CCBE1: variants seen among roughly 807,000 people sequenced by gnomAD.
CCBE1 encodes collagen and calcium binding EGF domains 1, also known as collagen and calcium-binding EGF domain-containing protein 1.
CCBE1 carries 37 observed loss-of-function variants against 50.0 expected under a neutral mutation model. The observed-to-expected ratio is 0.74, with a 90% confidence interval of 0.57 to 0.97. CCBE1 has a LOEUF of 0.97. Ranked by LOEUF, CCBE1 falls within the 50% of genes least tolerant of loss-of-function variation. The pLI, the probability that CCBE1 is intolerant of heterozygous loss-of-function variation, is 0.00. For synonymous variants in CCBE1, 234 were observed against 203.7 expected (o/e 1.15, Z -1.27); for missense variants, 538 against 523.8 (o/e 1.03, Z -0.26).
intron 2 of CCBE1, among the ~76,000 whole-genome samples, chr18:59,669,657 C>T (rs2054405695): frequency 6.6e-6 from 1 of 152,198 alleles, no homozygotes; most frequent in South Asian, 2.1e-4. Flanking sequence ...CCCGCGGTGC[C>T]CTTGTGCTCT....
chr18:59,542,800 T>A (rs754925884), intron 2 of CCBE1, among the ~76,000 whole-genome samples: 15 of 152,174 alleles, frequency 9.9e-5, no homozygotes, highest in Non-Finnish European at 2.2e-4. Context: ...TCTCCCCTTC[T>A]GGTGCCACTG....
At chr18:59,531,653 C>T (rs1021419171) in intron 2 of CCBE1, among the ~76,000 whole-genome samples, 19 of 152,142 alleles carry the variant, frequency 1.2e-4, no homozygotes, top group Middle Eastern at 3.4e-3. Flanking sequence ...GAGGCTGAGG[C>T]GGATCACTTG....
chr18:59,536,304 G>C (rs1404872500), intron 2 of CCBE1, among the ~76,000 whole-genome samples: 15 of 152,068 alleles, frequency 9.9e-5, no homozygotes, highest in Non-Finnish European at 4.4e-5. Flanking sequence ...GACAGCTCAT[G>C]GCAGGCACTC....
At chr18:59,671,303 A>C (rs774864335) in intron 2 of CCBE1, among the ~76,000 whole-genome samples, 29 of 152,208 alleles carry the variant, frequency 1.9e-4, no homozygotes, top group Middle Eastern at 3.4e-3. Flanking sequence ...GGGGTGTGAG[A>C]CCAGCCTGGG....
chr18:59,672,971 C>G (rs1488689003), intron 2 of CCBE1, among the ~76,000 whole-genome samples: 1 of 151,816 alleles, frequency 6.6e-6, no homozygotes, highest in Non-Finnish European at 1.5e-5. Flanking sequence ...ACTCATGTAA[C>G]CAAGTACCAC....
At chr18:59,589,790 C>CAAAAAAAAAAAAAA (rs752546235) in intron 2 of CCBE1, among the ~76,000 whole-genome samples, 15 of 73,102 alleles carry the variant, frequency 2.1e-4, no homozygotes, top group East Asian at 3.5e-4. Flanking sequence ...GACTCCATCT[C>CAAAAAAAAAAAAAA]AAAAAAAAAA....
intron 2 of CCBE1, among the ~76,000 whole-genome samples, chr18:59,644,997 T>G (rs559439460): frequency 6.6e-6 from 1 of 152,340 alleles, no homozygotes; most frequent in East Asian, 1.9e-4. Flanking sequence ...GGCTCACACC[T>G]GTAATCCCAG....
chr18:59,610,521 AC>A (rs774899652), intron 2 of CCBE1, among the ~76,000 whole-genome samples: 4 of 152,130 alleles, frequency 2.6e-5, no homozygotes, highest in Non-Finnish European at 4.4e-5. Flanking sequence ...ACTTGATAGA[AC>A]AAAGCTTCAG....
At chr18:59,678,291 G>A (rs2054536162) in intron 2 of CCBE1, among the ~76,000 whole-genome samples, 1 of 152,156 alleles carries the variant, frequency 6.6e-6, no homozygotes, top group African/African-American at 2.4e-5. Flanking sequence ...GAAGGACCAG[G>A]GGGGTGTTGA....
intron 3 of CCBE1, among the ~76,000 whole-genome samples, chr18:59,474,951 A>G (rs1044299503): frequency 1.3e-5 from 2 of 151,970 alleles, no homozygotes; most frequent in Non-Finnish European, 2.9e-5. Flanking sequence ...TATTGCTATT[A>G]TCTCCTCTTC....
chr18:59,529,804 C>T (rs905680510), intron 2 of CCBE1, among the ~76,000 whole-genome samples: 3 of 152,082 alleles, frequency 2.0e-5, no homozygotes, highest in Non-Finnish European at 4.4e-5. Context: ...GATCTTGGCC[C>T]CTCCTAGCCC....
At chr18:59,528,704 AG>A (rs1422101208) in intron 2 of CCBE1, among the ~76,000 whole-genome samples, 1 of 152,100 alleles carries the variant, frequency 6.6e-6, no homozygotes, top group African/African-American at 2.4e-5. Flanking sequence ...TTAACAGTCA[AG>A]CCCCTCTTCC....
intron 2 of CCBE1, among the ~76,000 whole-genome samples, chr18:59,653,097 T>TA (rs779932038): frequency 8.5e-5 from 13 of 152,214 alleles, no homozygotes; most frequent in Admixed American, 2.6e-4. Context: ...AGTCCTCACT[T>TA]ACCATGTTCC....
intron 2 of CCBE1, among the ~76,000 whole-genome samples, chr18:59,611,880 T>C (rs1408532981): frequency 6.6e-6 from 1 of 152,194 alleles, no homozygotes; most frequent in African/African-American, 2.4e-5. Flanking sequence ...GATTGAAATA[T>C]AGAGTCACTG....
chr18:59,659,719 T>C (rs772583452), intron 2 of CCBE1, among the ~76,000 whole-genome samples: 6 of 152,202 alleles, frequency 3.9e-5, no homozygotes, highest in Non-Finnish European at 8.8e-5. Flanking sequence ...GACACGTAGC[T>C]ATGTCATACA....
At chr18:59,489,507 G>T (rs1158689542) in intron 2 of CCBE1, among the ~76,000 whole-genome samples, 1 of 151,910 alleles carries the variant, frequency 6.6e-6, no homozygotes, top group Non-Finnish European at 1.5e-5. Context: ...TCTACCTCCT[G>T]GGTTCAAGTG....
intron 2 of CCBE1, among the ~76,000 whole-genome samples, chr18:59,549,657 T>C (rs1189229932): frequency 6.6e-6 from 1 of 152,184 alleles, no homozygotes; most frequent in African/African-American, 2.4e-5. Flanking sequence ...AATTATTATA[T>C]GATGAACAGG....
intron 2 of CCBE1, 27 bp downstream of exon 2, chr18:59,696,602 A>G (rs2054806840): frequency 6.2e-7 from 1 of 1,612,900 alleles, no homozygotes; most frequent in African/African-American, 1.3e-5. Flanking sequence ...CGCAGTGGCG[A>G]ACAGCCCGCA....
At chr18:59,583,437 G>C (rs2053116678) in intron 2 of CCBE1, among the ~76,000 whole-genome samples, 1 of 152,128 alleles carries the variant, frequency 6.6e-6, no homozygotes, top group African/African-American at 2.4e-5. Context: ...ACTTCTCCTG[G>C]GGGTAGGAGG....
Sources: allele counts gnomAD v4.1 joint callset (sites outside exome capture counted in the v4.1 genomes callset), GRCh38; gene constraint gnomAD v4.1.1; transcripts MANE v1.5; gene names NCBI Gene and HGNC (gene_info 2026-07-23, HGNC 2026-07-21).